The following PTGER4 variants were observed in gnomAD, a reference collection of about 807,000 sequenced individuals.
The protein encoded by PTGER4 is prostaglandin E2 receptor EP4 subtype.
In PTGER4, 11 loss-of-function variants were observed where a neutral mutation model predicts 33.2. That is an observed-to-expected ratio of 0.33 (90% CI 0.21 to 0.55). The LOEUF (loss-of-function observed/expected upper bound fraction) is 0.55. Ranked by LOEUF, PTGER4 falls within the 20% of genes least tolerant of loss-of-function variation. The pLI, the probability that PTGER4 is intolerant of heterozygous loss-of-function variation, is 0.92. For missense variants in PTGER4, 481 were observed against 650.2 expected, an observed-to-expected ratio of 0.74 and a Z score of 2.83; for synonymous variants, 275 against 281.5, an observed-to-expected ratio of 0.98 and a Z score of 0.23.
At chr5:40,742,367 A>G in the PTGER4 span, among the ~76,000 whole-genome samples, 1 of 152,192 alleles carries the variant, frequency 6.6e-6, no homozygotes, top group Non-Finnish European at 1.5e-5. Flanking sequence ...TTACTACATG[A>G]CAGGCAATAT....
chr5:40,695,079 C>G (rs1236380566), downstream of PTGER4, among the ~76,000 whole-genome samples: 2 of 142,032 alleles, frequency 1.4e-5, no homozygotes, highest in African/African-American at 5.3e-5. Context: ...CCGATTAGAT[C>G]AAGTGTGTTA....
downstream of PTGER4, among the ~76,000 whole-genome samples, chr5:40,698,686 T>C (rs923776397): frequency 6.6e-6 from 1 of 152,182 alleles, no homozygotes; most frequent in Admixed American, 6.5e-5. Flanking sequence ...TACTTTATGA[T>C]ACGACAAAAC....
At chr5:40,738,506 A>G in the PTGER4 span, among the ~76,000 whole-genome samples, 1 of 137,106 alleles carries the variant, frequency 7.3e-6, no homozygotes, top group East Asian at 2.1e-4. Flanking sequence ...ATACAATACA[A>G]TAAAATACAA....
rs775398150 is a variant in PTGER4 at position 40,681,401 on chromosome 5, G to A, written c.408G>A (p.Ala136=). The A allele has an allele frequency of 1.2e-5, 20 of 1,613,906 alleles. No individual in the cohort carries two copies. In the Admixed American group the frequency reaches 1.7e-4, roughly 13 times the overall value. ...FYSHYVDKRL[A]GLTLFAVYAS... ...GCCACTACGTGGACAAGCGATTGGC[G>A]GGCCTCACGCTCTTTGCAGTCTATG... Residue 136 remains alanine (A), a synonymous_variant, in exon 2 of 3, where the codon GCG becomes GCA. Transcript: ENST00000302472. The surrounding 1 kb of genome is among the most constrained non-coding windows in gnomAD (Gnocchi z 9.8).
At chr5:40,687,783 C>T (rs917124061) in intron 2 of PTGER4, among the ~76,000 whole-genome samples, 6 of 152,160 alleles carry the variant, frequency 3.9e-5, no homozygotes, top group Admixed American at 6.5e-5. Flanking sequence ...ACTTTTACTA[C>T]CCTGTGAACT....
the PTGER4 span, among the ~76,000 whole-genome samples, chr5:40,735,270 C>T: frequency 2.0e-5 from 3 of 151,912 alleles, no homozygotes; most frequent in African/African-American, 7.2e-5. Flanking sequence ...TCAGTCAGAC[C>T]CAGAAGAATA....
the PTGER4 span, among the ~76,000 whole-genome samples, chr5:40,719,994 T>C: frequency 6.6e-6 from 1 of 152,240 alleles, no homozygotes; most frequent in Admixed American, 6.5e-5. Context: ...TGAATTGCCT[T>C]TTCACTTTCT....
the PTGER4 span, among the ~76,000 whole-genome samples, chr5:40,701,017 AG>A: frequency 6.0e-5 from 9 of 148,830 alleles, no homozygotes; most frequent in Non-Finnish European, 1.2e-4. Context: ...GAAAACATCC[AG>A]AAAAGAAGCC....
chr5:40,696,108 C>T (rs138416706), downstream of PTGER4, among the ~76,000 whole-genome samples: 42 of 152,218 alleles, frequency 2.8e-4, no homozygotes, highest in East Asian at 5.4e-3. Flanking sequence ...GTACTTTGAC[C>T]AAGGGACCAC....
At chr5:40,719,835 T>G in the PTGER4 span, among the ~76,000 whole-genome samples, 6 of 152,262 alleles carry the variant, frequency 3.9e-5, no homozygotes, top group Non-Finnish European at 7.3e-5. Flanking sequence ...TGTGTGTATC[T>G]TCTTTGGAAA....
At chr5:40,728,272 A>G in the PTGER4 span, 17 of 999,438 alleles carry the variant, frequency 1.7e-5, no homozygotes, top group Non-Finnish European at 2.4e-5. Flanking sequence ...TGACATCAAG[A>G]CTCCATCTCA....
At chr5:40,745,825 C>G in the PTGER4 span, among the ~76,000 whole-genome samples, 1 of 151,940 alleles carries the variant, frequency 6.6e-6, no homozygotes, top group Non-Finnish European at 1.5e-5. Context: ...TCCTCGAACT[C>G]CTGGGCTCAA....
chr5:40,693,435 G>A lies in PTGER4; in HGVS notation c.*1057G>A. On this transcript the variant is annotated 3_prime_UTR_variant, in exon 3 of 3. Transcript: ENST00000302472. ...AAAGGATGGCAAGTTGCATCAGAAA[G>A]CTTTATTTTGAGATGTAAAAAGATT... 1 of 985,874 alleles carries A rather than the reference G, an allele frequency of 1.0e-6. No individual in the cohort carries two copies. Among genetic ancestry groups the A allele is most frequent in the Non-Finnish European group, 1.2e-6 (1 of 829,884 alleles). 61.1% of individuals were successfully genotyped at this position (985,874 alleles called of 1,614,324 possible).
the PTGER4 span, among the ~76,000 whole-genome samples, chr5:40,710,951 T>G: frequency 6.6e-6 from 1 of 151,946 alleles, no homozygotes; most frequent in South Asian, 2.1e-4. Context: ...AGGGGAGAGA[T>G]AGCATTAGGA....
chr5:40,741,718 G>A, the PTGER4 span, among the ~76,000 whole-genome samples: 1 of 152,132 alleles, frequency 6.6e-6, no homozygotes, highest in Non-Finnish European at 1.5e-5. Flanking sequence ...GCCACGCACG[G>A]TAGCTCACAC....
chr5:40,681,906 C>T lies in PTGER4; in HGVS notation c.867+46C>T, dbSNP rs532412800. ...CCCTACTCGGCCTTTTTCTCGCATC[C>T]ACCTCCCGCGTCCATTCCCCGCTCC... On this transcript the variant is annotated intron_variant, in intron 2 of 2. Transcript: ENST00000302472. This position sits in a 1 kb window ranked among gnomAD's most constrained non-coding sequence, Gnocchi z 9.8. 4.2e-5 allele frequency: 62 copies of T among 1,475,678 alleles called. 1 individual carries two copies. In the East Asian group the frequency reaches 7.2e-4, roughly 17 times the overall value. 91.4% of individuals were successfully genotyped at this position (1,475,678 alleles called of 1,614,324 possible).
chr5:40,712,364 T>C, the PTGER4 span, among the ~76,000 whole-genome samples: 1 of 152,170 alleles, frequency 6.6e-6, no homozygotes, highest in African/African-American at 2.4e-5. Context: ...CTAGTCTTTG[T>C]TAAAGTTTGA....
chr5:40,703,748 T>C, the PTGER4 span, among the ~76,000 whole-genome samples: 1 of 151,054 alleles, frequency 6.6e-6, no homozygotes, highest in Non-Finnish European at 1.5e-5. Flanking sequence ...GTTAAAAGTA[T>C]AAAAATTAGC....
chr5:40,715,216 A>T, the PTGER4 span: 1 of 152,128 alleles, frequency 6.6e-6, no homozygotes, highest in African/African-American at 2.4e-5. Context: ...TTTCAAAAAA[A>T]GTTATCTAGA....
Sources: gnomAD v4.1 joint callset for allele counts (sites outside exome capture counted in the v4.1 genomes callset) on GRCh38, gnomAD v4.1.1 for gene constraint, Gnocchi (gnomAD v3.1) non-coding constraint, MANE v1.5 for transcripts, NCBI Gene and HGNC (gene_info 2026-07-23, HGNC 2026-07-21) for gene names.